Variants in PUM2 observed in about 807,000 individuals in gnomAD.
The protein encoded by PUM2 is pumilio RNA binding family member 2.
In PUM2, 57 loss-of-function variants were observed where a neutral mutation model predicts 124.5. The observed-to-expected ratio is 0.46, with a 90% confidence interval of 0.37 to 0.57. The LOEUF (loss-of-function observed/expected upper bound fraction) is 0.57. Ranked by LOEUF, PUM2 falls within the 20% of genes least tolerant of loss-of-function variation. The probability of loss-of-function intolerance (pLI) is 0.00; values close to 1 mark genes in which losing one functional copy is unlikely to be tolerated. For missense variants in PUM2, 1,065 were observed against 1,290.6 expected (o/e 0.83, Z 2.68); for synonymous variants, 460 against 446.1 (o/e 1.03, Z -0.39).
chr2:20,327,510 G>A, intron 1 of PUM2, 132 bp from the exon 2 acceptor site: 1 of 586,632 alleles, frequency 1.7e-6, no homozygotes. Context: ...ATTTCTGTAG[G>A]GAAGACAGGT....
chr2:20,297,476 G>C, intron 8 of PUM2, 77 bp downstream of exon 8: 1 of 1,285,276 alleles, frequency 7.8e-7, no homozygotes, highest in Non-Finnish European at 1.0e-6. Context: ...TGCCCAAATA[G>C]AGAAAAATAA....
chr2:20,351,082 C>G (rs975830684), upstream of PUM2, among the ~76,000 whole-genome samples: 1 of 152,184 alleles, frequency 6.6e-6, no homozygotes, highest in Non-Finnish European at 1.5e-5. Flanking sequence ...GGCTCCGCCG[C>G]GGCGGGCTCG....
intron 1 of PUM2, among the ~76,000 whole-genome samples, chr2:20,333,893 A>G (rs1250290383): frequency 6.6e-6 from 1 of 152,020 alleles, no homozygotes; most frequent in Non-Finnish European, 1.5e-5. Flanking sequence ...TACTCTTGTG[A>G]TAGTTTTTCT....
At chr2:20,307,263 G>A (rs937236748) in intron 7 of PUM2, among the ~76,000 whole-genome samples, 2 of 152,004 alleles carry the variant, frequency 1.3e-5, no homozygotes, top group Non-Finnish European at 2.9e-5. Flanking sequence ...GGCTTAGGAA[G>A]CCTTATTGCA....
At chr2:20,329,324 C>A (rs550908504) in intron 1 of PUM2, among the ~76,000 whole-genome samples, 1 of 149,640 alleles carries the variant, frequency 6.7e-6, no homozygotes, top group African/African-American at 2.5e-5. Context: ...CACAGCTACT[C>A]GGGAGGCTGA....
chr2:20,282,920 G>A lies in PUM2; in HGVS notation c.1720+27C>T, dbSNP rs1377889895. ...TCATATACCTCTTCCACTTAGCAGA[G>A]TACACTCATCGTAAAAACAAACTTA... On this transcript the variant is annotated intron_variant, in intron 12 of 20. Coordinates refer to ENST00000361078, the MANE Select transcript of PUM2 (RefSeq NM_015317.5). 1.2e-6 allele frequency: 2 copies of A among 1,604,990 alleles called. 1 individual carries two copies. The highest frequency in any genetic ancestry group is 3.3e-4 in the Middle Eastern group (2 of 5,998).
intron 1 of PUM2, among the ~76,000 whole-genome samples, chr2:20,345,050 C>G (rs1450159194): frequency 1.3e-5 from 2 of 149,894 alleles, no homozygotes; most frequent in African/African-American, 4.9e-5. Context: ...TTTTCCTGTC[C>G]CTGCAGTCTC....
chr2:20,339,824 G>A (rs192083097), intron 1 of PUM2, among the ~76,000 whole-genome samples: 1 of 152,294 alleles, frequency 6.6e-6, no homozygotes, highest in African/African-American at 2.4e-5. Flanking sequence ...AGGTTACAGT[G>A]AGCCGAGATC....
intron 7 of PUM2, among the ~76,000 whole-genome samples, chr2:20,306,184 C>A (rs1460812893): frequency 6.6e-6 from 1 of 151,978 alleles, no homozygotes; most frequent in East Asian, 1.9e-4. Flanking sequence ...CAGCCTGGGT[C>A]AAACAACAAG....
intron 15 of PUM2, 24 bp from the exon 16 acceptor site, chr2:20,258,395 A>G (rs1190168956): frequency 1.2e-6 from 2 of 1,607,130 alleles, no homozygotes; most frequent in Non-Finnish European, 1.7e-6. Flanking sequence ...TATAACATTA[A>G]TAACAAGTGA....
chr2:20,272,749 T>C (rs1233009967), intron 13 of PUM2, among the ~76,000 whole-genome samples: 1 of 152,212 alleles, frequency 6.6e-6, no homozygotes, highest in African/African-American at 2.4e-5. Flanking sequence ...AGAAGAAAGC[T>C]GGTATCTTTA....
intron 15 of PUM2, among the ~76,000 whole-genome samples, chr2:20,259,422 A>G (rs1450212823): frequency 6.6e-6 from 1 of 152,228 alleles, no homozygotes; most frequent in African/African-American, 2.4e-5. Flanking sequence ...TGCTGTATCC[A>G]TTAAATGGTA....
intron 3 of PUM2, among the ~76,000 whole-genome samples, chr2:20,314,497 T>C (rs533351717): frequency 6.6e-6 from 1 of 152,242 alleles, no homozygotes; most frequent in Non-Finnish European, 1.5e-5. Flanking sequence ...AACATTCAAA[T>C]AGTTTTTGCT....
Position 20,282,965 on chromosome 2 carries a change from T to C in PUM2, c.1702A>G (p.Ser568Gly), listed in dbSNP as rs545396548. The C allele has an allele frequency of 4.5e-5, 72 of 1,613,586 alleles. 1 individual carries two copies. In the South Asian group the frequency reaches 7.8e-4, roughly 17 times the overall value. ...AACTTACCTGATGAACCAAATCCAC[T>C]GAGGGCTGAGCCTATAGCAGCACCC... ...SLGAAIGSAL[S>G]GFGSSVGSSA... The change falls in exon 12 of 21, where the codon AGT (serine) becomes GGT (glycine). Residue 568 changes from serine to glycine, a missense_variant. Ser to Gly is a moderately conservative substitution (Grantham distance 56, BLOSUM62 0). This residue lies in a region of PUM2 where 968 missense variants were observed against 1,159.8 expected (regional missense o/e 0.83). Transcript: ENST00000361078.
intron 7 of PUM2, among the ~76,000 whole-genome samples, chr2:20,298,027 A>G (rs145600045): frequency 6.6e-6 from 1 of 152,354 alleles, no homozygotes; most frequent in East Asian, 1.9e-4. Flanking sequence ...TAAATGTGAG[A>G]GCCAGAACTG....
intron 5 of PUM2, among the ~76,000 whole-genome samples, chr2:20,309,984 C>A (rs976837152): frequency 2.0e-5 from 3 of 152,004 alleles, no homozygotes; most frequent in African/African-American, 7.2e-5. Flanking sequence ...TCATTTGGAA[C>A]ATATGGAATG....
chr2:20,330,909 C>T lies in PUM2; in HGVS notation c.-18-3531G>A, dbSNP rs371176928. ...ATAGGGTCAGAAATGAGTTAGACGA[C>T]GCCCAGCTGGTGTCCACTGGAGAAT... is the stretch of plus-strand genomic sequence containing the variant. On this transcript the variant is annotated intron_variant, in intron 1 of 20. Coordinates refer to ENST00000361078, the MANE Select transcript of PUM2 (RefSeq NM_015317.5). Among the ~76,000 whole-genome samples, 54 of 152,314 alleles carry T rather than the reference C, an allele frequency of 3.5e-4. 1 individual carries two copies. The highest frequency in any genetic ancestry group is 3.1e-3 in the East Asian group (16 of 5,188).
intron 19 of PUM2, 121 bp from the exon 20 acceptor site, chr2:20,254,135 T>C (rs1383584179): frequency 1.2e-6 from 1 of 828,780 alleles, no homozygotes; most frequent in Non-Finnish European, 1.8e-6. Flanking sequence ...TGGGATTCTC[T>C]TGTCTTATGA....
At chr2:20,255,129 G>A in intron 18 of PUM2, 87 bp downstream of exon 18, 1 of 1,484,706 alleles carries the variant, frequency 6.7e-7, no homozygotes, top group Non-Finnish European at 9.2e-7. Flanking sequence ...TGTCTATAGT[G>A]TGTTTAGTAA....
Sources: allele counts gnomAD v4.1 joint callset (sites outside exome capture counted in the v4.1 genomes callset), GRCh38; gene constraint gnomAD v4.1.1; regional missense constraint gnomAD v4.1.1; transcripts MANE v1.5; gene names NCBI Gene and HGNC (gene_info 2026-07-23, HGNC 2026-07-21).